Variants in SAMD5 observed in about 807,000 individuals in gnomAD.
The protein encoded by SAMD5 is sterile alpha motif domain containing 5, also known as sterile alpha motif domain-containing protein 5.
SAMD5 carries 13 observed loss-of-function variants against 11.3 expected under a neutral mutation model. The ratio of observed to expected loss-of-function variants is 1.15; its 90% CI spans 0.75 to 1.83. The LOEUF is 1.83. SAMD5 is among the 40% of genes most tolerant of loss of function. The pLI is 0.00. For synonymous variants in SAMD5, 129 were observed against 111.3 expected (o/e 1.16, Z -1.00); for missense variants, 255 against 239.1 (o/e 1.07, Z -0.44).
chr6:147,668,838 A>G (rs2128455243), intron 1 of SAMD5, among the ~76,000 whole-genome samples: 1 of 152,334 alleles, frequency 6.6e-6, no homozygotes, highest in East Asian at 1.9e-4. Flanking sequence ...ATTAAAAAGA[A>G]ACAAAAAACA....
chr6:147,937,491 G>A, the SAMD5 span, among the ~76,000 whole-genome samples: 1 of 152,188 alleles, frequency 6.6e-6, no homozygotes, highest in Non-Finnish European at 1.5e-5. Flanking sequence ...GGCTGAGGAT[G>A]ACCTAGCAGT....
At position 147,568,013 on chromosome 6, in the gene SAMD5, G is replaced by A. The variant is rs1430589355; in HGVS notation, c.*3557G>A. On this transcript the variant is annotated 3_prime_UTR_variant, in exon 2 of 2. Coordinates refer to ENST00000367474, the MANE Select transcript of SAMD5 (RefSeq NM_001030060.3). ...AGGCACATGGACAGATTATATGAAGGTATTTCATTAGCTTTCTTCTCTTTA... is the reference window on the plus strand; with the variant it reads ...AGGCACATGGACAGATTATATGAAGATATTTCATTAGCTTTCTTCTCTTTA... 1.0e-6 allele frequency: 1 copy of A among 985,246 alleles called. No individual in the cohort carries two copies. Among genetic ancestry groups the A allele is most frequent in the Non-Finnish European group, 1.2e-6 (1 of 829,932 alleles). 61.0% of individuals were successfully genotyped at this position (985,246 alleles called of 1,614,324 possible).
intron 1 of SAMD5, among the ~76,000 whole-genome samples, chr6:147,655,310 C>T (rs1160193880): frequency 6.6e-6 from 1 of 152,170 alleles, no homozygotes; most frequent in Non-Finnish European, 1.5e-5. Context: ...TACTATCTTG[C>T]TATGTGACTT....
chr6:147,528,125 A>G (rs1317477943), intron 1 of SAMD5, among the ~76,000 whole-genome samples: 1 of 152,094 alleles, frequency 6.6e-6, no homozygotes, highest in African/African-American at 2.4e-5. Flanking sequence ...CACCTCCAAC[A>G]CTGGGGATTA....
chr6:147,770,431 AGACTGCT>A, the SAMD5 span, among the ~76,000 whole-genome samples: 1 of 152,220 alleles, frequency 6.6e-6, no homozygotes. Context: ...TTAAGTAACG[AGACTGCT>A]GACTCGGGAA....
At chr6:147,796,992 A>G in the SAMD5 span, among the ~76,000 whole-genome samples, 1 of 143,194 alleles carries the variant, frequency 7.0e-6, no homozygotes, top group Non-Finnish European at 1.5e-5. Flanking sequence ...TTTTCTAGAT[A>G]TACAATCATG....
In SAMD5 at chr6:147,646,026, G is replaced by C. The variant is rs2851135; in HGVS notation, c.163-91291G>C. Among the ~76,000 whole-genome samples the C allele has an allele frequency of 1.7e-3, 91 of 52,338 alleles. 1 individual carries two copies. The highest frequency in any genetic ancestry group is 8.7e-3 in the African/African-American group (60 of 6,888). The allele number at this position is 52,338 out of a possible 152,430, so 34.3% of individuals were successfully genotyped here. A position where few individuals can be genotyped will look rare whatever the true frequency, so the allele number is the denominator to read the frequency against. ...TCTGTCTGTCTATGTATCTATCTAT[G>C]TATCTATCTATCTATCTATCTATCT... On this transcript the variant is annotated intron_variant, in intron 1 of 1. Coordinates refer to the SAMD5 transcript ENST00000566741.
At chr6:147,705,888 T>C (rs561293795) in intron 1 of SAMD5, among the ~76,000 whole-genome samples, 2 of 152,356 alleles carry the variant, frequency 1.3e-5, no homozygotes, top group East Asian at 3.9e-4. Context: ...GACAACACTA[T>C]AGTTTCCAAC....
At chr6:147,935,043 A>C in the SAMD5 span, among the ~76,000 whole-genome samples, 35,412 of 151,964 alleles carry the variant, frequency 0.23, 4,749 homozygotes, top group African/African-American at 0.36. Context: ...AATGTATGAC[A>C]TTGCTCCTTA....
In SAMD5 at chr6:147,565,277, C is replaced by T. The variant is rs1583085839; in HGVS notation, c.*821C>T. 2.0e-6 allele frequency: 2 copies of T among 985,784 alleles called. No individual in the cohort carries two copies. The highest frequency in any genetic ancestry group is 2.4e-6 in the Non-Finnish European group (2 of 829,972). 61.1% of individuals were successfully genotyped at this position (985,784 alleles called of 1,614,324 possible). ...TCTGAGCTGCAGTGCTTTATCCCAC[C>T]TTGCTCTCCAGGCTTCTGACTTCAG... is the stretch of plus-strand genomic sequence containing the variant. On this transcript the variant is annotated 3_prime_UTR_variant, in exon 2 of 2. Transcript: ENST00000367474.
chr6:147,569,263 A>G lies in SAMD5; in HGVS notation c.*4807A>G, dbSNP rs1789097407. On this transcript the variant is annotated 3_prime_UTR_variant, in exon 2 of 2. Coordinates refer to ENST00000367474, the MANE Select transcript of SAMD5 (RefSeq NM_001030060.3). The stretch of plus-strand genomic sequence containing the variant: ...AAAGAAAAAAGAAAAATTGAAGAAC[A>G]TAACTTTTCTACTTATGAAATAGAT... 2.6e-6 allele frequency: 1 copy of G among 383,932 alleles called. No homozygotes were observed. Among genetic ancestry groups the G allele is most frequent in the South Asian group, 1.1e-4 (1 of 9,326 alleles). 23.8% of individuals were successfully genotyped at this position (383,932 alleles called of 1,614,324 possible). A position where few individuals can be genotyped will look rare whatever the true frequency, so the allele number is the denominator to read the frequency against.
the SAMD5 span, among the ~76,000 whole-genome samples, chr6:147,911,531 G>C: frequency 6.6e-6 from 1 of 152,164 alleles, no homozygotes; most frequent in Non-Finnish European, 1.5e-5. Flanking sequence ...TGAGATCTGT[G>C]GGGCAAAATA....
At chr6:147,637,409 G>A (rs184137564) in intron 1 of SAMD5, among the ~76,000 whole-genome samples, 1 of 152,250 alleles carries the variant, frequency 6.6e-6, no homozygotes, top group Admixed American at 6.5e-5. Flanking sequence ...AATAAAAGTG[G>A]AGCTGATAAT....
the SAMD5 span, among the ~76,000 whole-genome samples, chr6:147,899,269 C>G: frequency 2.6e-5 from 4 of 151,082 alleles, no homozygotes; most frequent in Admixed American, 2.6e-4. Flanking sequence ...GCCTTGGGAA[C>G]CAGATCCAAT....
chr6:147,839,204 A>T, the SAMD5 span, among the ~76,000 whole-genome samples: 1 of 151,822 alleles, frequency 6.6e-6, no homozygotes, highest in Non-Finnish European at 1.5e-5. Context: ...ACCAAACTGG[A>T]CTCCTGATAA....
intron 1 of SAMD5, among the ~76,000 whole-genome samples, chr6:147,594,193 C>G (rs757570163): frequency 4.4e-4 from 67 of 152,136 alleles, no homozygotes; most frequent in Non-Finnish European, 2.6e-4. Flanking sequence ...CTTCCATTTC[C>G]TAGTCTGAAG....
intron 1 of SAMD5, among the ~76,000 whole-genome samples, chr6:147,700,191 T>C (rs1166795283): frequency 6.6e-6 from 1 of 152,342 alleles, no homozygotes; most frequent in East Asian, 1.9e-4. Flanking sequence ...ATTTTTTAAA[T>C]ACAGTGTAAG....
At chr6:147,911,393 T>A in the SAMD5 span, among the ~76,000 whole-genome samples, 1 of 152,082 alleles carries the variant, frequency 6.6e-6, no homozygotes, top group Non-Finnish European at 1.5e-5. Context: ...AGCTGACAAG[T>A]TAGAGTGAAA....
chr6:147,616,275 T>G lies in SAMD5; in HGVS notation c.162+106888T>G, dbSNP rs9497820. Among the ~76,000 whole-genome samples the G allele has an allele frequency of 6.8e-3, 776 of 114,234 alleles. 29 individuals carry two copies. The highest frequency in any genetic ancestry group is 0.048 in the African/African-American group (723 of 14,982). 74.9% of individuals were successfully genotyped at this position (114,234 alleles called of 152,430 possible). The stretch of plus-strand genomic sequence containing the variant: ...TTATTCATATATATTTCATATATAT[T>G]TATTCATATATACTTCATATATATT... On this transcript the variant is annotated intron_variant, in intron 1 of 1. Transcript: ENST00000566741.
Sources: allele counts gnomAD v4.1 joint callset (sites outside exome capture counted in the v4.1 genomes callset), GRCh38; gene constraint gnomAD v4.1.1; transcripts MANE v1.5; gene names NCBI Gene and HGNC (gene_info 2026-07-23, HGNC 2026-07-21).